CCDC171: variants seen among roughly 807,000 people sequenced by gnomAD.
The protein encoded by CCDC171 is coiled-coil domain-containing protein 171.
CCDC171 carries 177 observed loss-of-function variants against 168.2 expected under a neutral mutation model. The ratio of observed to expected loss-of-function variants is 1.05; its 90% confidence interval spans 0.93 to 1.19. The LOEUF (loss-of-function observed/expected upper bound fraction) is 1.19. Among genes scored for constraint, CCDC171 ranks in the 50% most tolerant of loss-of-function variants. The pLI is 0.00. For missense variants in CCDC171, 1,991 were observed against 1,539.0 expected, an observed-to-expected ratio of 1.29 and a Z score of -4.91; for synonymous variants, 687 against 540.8, an observed-to-expected ratio of 1.27 and a Z score of -3.75.
Position 15,696,195 on chromosome 9 carries a change from T to C in CCDC171, c.1318+858T>C, listed in dbSNP as rs535173927. On this transcript the variant is annotated intron_variant, in intron 11 of 25. Coordinates refer to ENST00000380701, the MANE Select transcript of CCDC171 (RefSeq NM_173550.4). ...TTTTTAAAAGGAATCTAACAGCAAT[T>C]TGGCAAATAAGTTCTTTAGAGAGCT... Among the ~76,000 whole-genome samples, 4 of 152,298 alleles carry C rather than the reference T, an allele frequency of 2.6e-5. No individual in the cohort carries two copies. In the South Asian group the frequency reaches 8.3e-4, roughly 32 times the overall value.
chr9:16,058,153 T>C (rs938067641), intron 1 of CCDC171, among the ~76,000 whole-genome samples: 1 of 152,088 alleles, frequency 6.6e-6, no homozygotes, highest in East Asian at 1.9e-4. Flanking sequence ...GTAGCTCTTG[T>C]CCAAGACCGA....
chr9:15,859,022 C>G (rs1405500150), intron 23 of CCDC171, among the ~76,000 whole-genome samples: 1 of 151,996 alleles, frequency 6.6e-6, no homozygotes, highest in African/African-American at 2.4e-5. Context: ...GCTGTGAACT[C>G]TACATATATG....
At chr9:15,561,582 A>G in intron 1 of CCDC171, among the ~76,000 whole-genome samples, 1 of 152,058 alleles carries the variant, frequency 6.6e-6, no homozygotes. Context: ...CTATCCTGTA[A>G]CTCTGAACTT....
chr9:15,919,917 T>A lies in CCDC171; in HGVS notation c.3601-353T>A, dbSNP rs7023797. On this transcript the variant is annotated intron_variant, in intron 24 of 25. Coordinates refer to ENST00000380701, the MANE Select transcript of CCDC171 (RefSeq NM_173550.4). Reference sequence around the variant, plus strand: ...ACCTTGTTTGTATACCCATTAAGATTGCACCTCTCTTAAGATGGAAATTTA... The same window carrying A: ...ACCTTGTTTGTATACCCATTAAGATAGCACCTCTCTTAAGATGGAAATTTA... Among the ~76,000 whole-genome samples the A allele has an allele frequency of 8.2e-3, 1,252 of 151,790 alleles. 12 individuals are homozygous for A. Among genetic ancestry groups the A allele is most frequent in the African/African-American group, 0.029 (1,206 of 41,526 alleles).
intron 21 of CCDC171, among the ~76,000 whole-genome samples, chr9:15,817,032 A>G (rs1193659851): frequency 8.5e-6 from 1 of 118,118 alleles, no homozygotes; most frequent in African/African-American, 3.2e-5. Context: ...GTATTTCCTT[A>G]AGGCTGTGGA....
intron 7 of CCDC171, chr9:16,036,074 A>T (rs1463053186): frequency 6.6e-6 from 1 of 152,194 alleles, no homozygotes; most frequent in Non-Finnish European, 1.5e-5. Flanking sequence ...TCTAATGATC[A>T]CTTCTTCCCT....
chr9:15,683,187 G>A (rs2050152693), intron 10 of CCDC171, among the ~76,000 whole-genome samples: 1 of 151,922 alleles, frequency 6.6e-6, no homozygotes, highest in African/African-American at 2.4e-5. Context: ...GTCAAAGAAT[G>A]TTTTATTCTC....
chr9:15,978,159 T>C (rs1480709619), downstream of CCDC171, among the ~76,000 whole-genome samples: 1 of 152,182 alleles, frequency 6.6e-6, no homozygotes, highest in Non-Finnish European at 1.5e-5. Flanking sequence ...TTTGATGTAC[T>C]ACTGACTATT....
intron 3 of CCDC171, among the ~76,000 whole-genome samples, chr9:15,572,396 TACAC>T (rs1260486679): frequency 6.6e-6 from 1 of 152,186 alleles, no homozygotes; most frequent in African/African-American, 2.4e-5. Flanking sequence ...AATATCAAAT[TACAC>T]AGAGCTCAAT....
At chr9:15,895,028 A>C (rs889411081) in intron 24 of CCDC171, among the ~76,000 whole-genome samples, 1 of 152,124 alleles carries the variant, frequency 6.6e-6, no homozygotes, top group Non-Finnish European at 1.5e-5. Flanking sequence ...GCAGAACTGC[A>C]TGCAAATTAA....
At chr9:15,826,172 T>C (rs1453993158) in intron 21 of CCDC171, among the ~76,000 whole-genome samples, 1 of 152,102 alleles carries the variant, frequency 6.6e-6, no homozygotes, top group South Asian at 2.1e-4. Flanking sequence ...CATTCTCTTT[T>C]CATGGCATCC....
At chr9:15,993,652 C>T (rs550827594) in intron 3 of CCDC171, among the ~76,000 whole-genome samples, 2 of 152,318 alleles carry the variant, frequency 1.3e-5, no homozygotes, top group Admixed American at 1.3e-4. Flanking sequence ...TCAGCGTGAA[C>T]AGGCAACCTA....
At chr9:15,619,075 C>G (rs958200498) in intron 6 of CCDC171, among the ~76,000 whole-genome samples, 3 of 152,062 alleles carry the variant, frequency 2.0e-5, no homozygotes, top group African/African-American at 7.2e-5. Context: ...TATATGTGTT[C>G]TCACTACTCC....
intron 25 of CCDC171, among the ~76,000 whole-genome samples, chr9:15,971,224 T>C (rs1244129347): frequency 6.6e-6 from 1 of 152,196 alleles, no homozygotes; most frequent in Non-Finnish European, 1.5e-5. Context: ...TTCCATATTA[T>C]ATGGCACTTA....
chr9:15,988,111 A>T (rs989063101), intron 3 of CCDC171, among the ~76,000 whole-genome samples: 3 of 152,204 alleles, frequency 2.0e-5, no homozygotes, highest in African/African-American at 7.2e-5. Flanking sequence ...TAATACAGTG[A>T]AAAAAATTGT....
rs1564112282 is a variant in CCDC171, at chr9:16,001,175, C to A, written n.369-19414C>A. Among the ~76,000 whole-genome samples the A allele has an allele frequency of 1.3e-5, 2 of 152,216 alleles. 1 individual carries two copies. The highest frequency in any genetic ancestry group is 4.1e-4 in the South Asian group (2 of 4,836). On this transcript the variant is annotated intron_variant and non_coding_transcript_variant, in intron 3 of 9. Coordinates refer to the CCDC171 transcript ENST00000486641. The stretch of plus-strand genomic sequence containing the variant: ...CCTAGAAAATCAAGATAGGAACCAA[C>A]TGACAGGAGTGCATGATCTTGTAGG...
chr9:15,558,862 G>A lies in CCDC171; in HGVS notation c.-111-5116G>A, dbSNP rs979193397. ...TTAGATCTTTCCTGCTTTCTCTTGT[G>A]GGCATTTAGTGCTATAAATTTCCCT... On this transcript the variant is annotated intron_variant, in intron 1 of 25. Coordinates refer to ENST00000380701, the MANE Select transcript of CCDC171 (RefSeq NM_173550.4). Among the ~76,000 whole-genome samples, 5 of 152,042 alleles carry A rather than the reference G, an allele frequency of 3.3e-5. No homozygotes were observed. The South Asian group carries it at 6.2e-4, about 19-fold the overall frequency.
intron 6 of CCDC171, among the ~76,000 whole-genome samples, chr9:16,026,670 G>A (rs1833280970): frequency 1.3e-5 from 2 of 152,146 alleles, no homozygotes; most frequent in South Asian, 4.1e-4. Context: ...AACTTCCAGA[G>A]GCAGGAGATT....
intron 9 of CCDC171, among the ~76,000 whole-genome samples, chr9:15,677,378 G>T (rs1386275718): frequency 6.6e-6 from 1 of 152,064 alleles, no homozygotes; most frequent in Non-Finnish European, 1.5e-5. Context: ...CACTAGAATT[G>T]TCTGTGTTCC....
Sources: gnomAD v4.1 joint callset for allele counts (sites outside exome capture counted in the v4.1 genomes callset) on GRCh38, gnomAD v4.1.1 for gene constraint, MANE v1.5 for transcripts, NCBI Gene and HGNC (gene_info 2026-07-23, HGNC 2026-07-21) for gene names.